Variants in ATG16L2 observed in about 807,000 individuals in gnomAD.
ATG16L2 encodes protein Atg16l2.
In ATG16L2, 77 loss-of-function variants were observed where a neutral mutation model predicts 84.7. The observed-to-expected ratio is 0.91, with a 90% CI of 0.76 to 1.10. The LOEUF (loss-of-function observed/expected upper bound fraction) is 1.10, where lower values mean the gene tolerates loss of function less well. Among genes scored for constraint, ATG16L2 ranks in the 50% least tolerant of loss-of-function variants. The probability of loss-of-function intolerance (pLI) is 0.00; values close to 1 mark genes in which losing one functional copy is unlikely to be tolerated. For synonymous variants in ATG16L2, 361 were observed against 342.8 expected, an observed-to-expected ratio of 1.05 and a Z score of -0.59; for missense variants, 782 against 817.6, an observed-to-expected ratio of 0.96 and a Z score of 0.53.
Position 72,816,823 on chromosome 11 carries a change from C to A in ATG16L2, c.214C>A (p.Pro72Thr). The A allele has an allele frequency of 1.9e-6, 3 of 1,614,050 alleles. No individual in the cohort carries two copies. The South Asian group carries it at 3.3e-5, about 18-fold the overall frequency. The change falls in exon 2 of 18, where the codon CCC becomes ACC. Residue 72 changes from proline to threonine, a missense_variant. Physicochemically the swap from Pro to Thr is conservative, Grantham distance 38. Transcript: ENST00000321297. ...TGTCACTCCCACCACCCACCAGGGCCCCTGGTAAGTGTATGTGGGTCCGTG... is the reference window on the plus strand; with the variant it reads ...TGTCACTCCCACCACCCACCAGGGCACCTGGTAAGTGTATGTGGGTCCGTG... Reference protein sequence around the residue: ...NSVTPTTHQGPWEESELDSDQ... With the variant: ...NSVTPTTHQGTWEESELDSDQ...
chr11:72,829,051 C>T, intron 17 of ATG16L2, 67 bp downstream of exon 17: 2 of 1,509,816 alleles, frequency 1.3e-6, no homozygotes, highest in Non-Finnish European at 1.8e-6. Context: ...CAGGTTCTGA[C>T]ATACTGGGAC....
In ATG16L2 at chr11:72,822,414, G is replaced by A. The variant is rs987881713; in HGVS notation, c.645-64G>A. On this transcript the variant is annotated intron_variant, in intron 5 of 17. Coordinates refer to ENST00000321297, the MANE Select transcript of ATG16L2 (RefSeq NM_033388.2). This position sits in a 1 kb window ranked among gnomAD's most constrained non-coding sequence, Gnocchi z 4.2. ...AGCCGCCCCCTGGAGGAAGGGACCG[G>A]GTCTAGCCCCGCCTGCGTGCGAGGC... 1.2e-6 allele frequency: 2 copies of A among 1,608,420 alleles called. No individual in the cohort carries two copies. The highest frequency in any genetic ancestry group is 1.3e-5 in the African/African-American group (1 of 74,784).
chr11:72,826,319 C>A, intron 11 of ATG16L2, 76 bp downstream of exon 11: 1 of 1,518,116 alleles, frequency 6.6e-7, no homozygotes, highest in Non-Finnish European at 9.0e-7. Flanking sequence ...GGCTGTGGGA[C>A]CTGAGGGCGC....
At chr11:72,826,048 T>G in intron 10 of ATG16L2, 125 bp from the exon 11 acceptor site, 3 of 766,584 alleles carry the variant, frequency 3.9e-6, no homozygotes, top group Non-Finnish European at 6.3e-6. Context: ...CCAGCGATTC[T>G]GTCTTCTAAC....
downstream of ATG16L2, among the ~76,000 whole-genome samples, chr11:72,831,674 C>A (rs900228850): frequency 6.6e-6 from 1 of 152,196 alleles, no homozygotes. Context: ...AGGCCATTCC[C>A]GTTTCCAGGG....
intron 5 of ATG16L2, chr11:72,842,467 C>G (rs1860990153): frequency 1.3e-6 from 1 of 796,144 alleles, no homozygotes; most frequent in Non-Finnish European, 2.0e-6. Context: ...TGACAAGTCT[C>G]TGGTTTCCCA....
exon 6 of ATG16L2, chr11:72,843,270 G>A: frequency 1.2e-6 from 2 of 1,614,016 alleles, no homozygotes; most frequent in African/African-American, 1.3e-5. Context: ...GCTGTTCGAG[G>A]TGGGAAACTG....
At chr11:72,840,310 G>A (rs2135147610) in intron 5 of ATG16L2, among the ~76,000 whole-genome samples, 1 of 152,254 alleles carries the variant, frequency 6.6e-6, no homozygotes, top group Middle Eastern at 3.4e-3. Flanking sequence ...GTAAAGGAAT[G>A]GTATCAAAAG....
chr11:72,821,334 T>C, intron 3 of ATG16L2: 2 of 1,119,196 alleles, frequency 1.8e-6, no homozygotes, highest in Non-Finnish European at 2.2e-6. Context: ...TGGTTATGCA[T>C]GGTGCTGGGA....
chr11:72,827,347 A>T, intron 14 of ATG16L2, 54 bp downstream of exon 14: 1 of 1,438,252 alleles, frequency 7.0e-7, no homozygotes, highest in Non-Finnish European at 9.8e-7. Context: ...CAGGGCTCCC[A>T]AGTTCTTGTT....
chr11:72,814,890 C>T (rs1859615280), intron 1 of ATG16L2, among the ~76,000 whole-genome samples: 2 of 152,168 alleles, frequency 1.3e-5, no homozygotes, highest in African/African-American at 2.4e-5. Context: ...CCCGGGCAGT[C>T]CCCGGGGTAG....
In ATG16L2 at chr11:72,822,897, G is replaced by T; in HGVS notation, c.760G>T (p.Ala254Ser). The change falls in exon 7 of 18, where the codon GCT (alanine) becomes TCT (serine). Residue 254 changes from alanine (A) to serine (S), a missense_variant. Transcript: ENST00000321297. This position sits in a 1 kb window ranked among gnomAD's most constrained non-coding sequence, Gnocchi z 4.2. ...DGMRERRETL[A>S]LAPEPEPLEK... ...GATGAGGGAGAGAAGGGAGACTCTGGCTCTGGCCCCTGAGCCAGAGCCCCT... is the reference window on the plus strand; with the variant it reads ...GATGAGGGAGAGAAGGGAGACTCTGTCTCTGGCCCCTGAGCCAGAGCCCCT... 2 of 1,579,062 alleles carry T rather than the reference G, an allele frequency of 1.3e-6. No individual in the cohort carries two copies. The highest frequency in any genetic ancestry group is 1.7e-6 in the Non-Finnish European group (2 of 1,162,050).
rs151146589 is a variant in ATG16L2, at chr11:72,825,557, G to C, written c.1102+150G>C. 52 of 664,676 alleles carry C rather than the reference G, an allele frequency of 7.8e-5. No homozygotes were observed. In the East Asian group the frequency reaches 1.4e-3, roughly 18 times the overall value. The allele number at this position is 664,676 out of a possible 1,614,324, so 41.2% of individuals were successfully genotyped here. Reference sequence around the variant, plus strand: ...GTGACTAGACAATGCCTTGGAAAGAGTGAGACTCTGGGCTCACTGTTCTGA... The same window carrying C: ...GTGACTAGACAATGCCTTGGAAAGACTGAGACTCTGGGCTCACTGTTCTGA... On this transcript the variant is annotated intron_variant, in intron 10 of 17. Coordinates refer to ENST00000321297, the MANE Select transcript of ATG16L2 (RefSeq NM_033388.2).
intron 11 of ATG16L2, 43 bp downstream of exon 11, chr11:72,826,286 G>C (rs1860347016): frequency 6.2e-6 from 10 of 1,600,036 alleles, no homozygotes; most frequent in Non-Finnish European, 8.5e-6. Flanking sequence ...TGCCCTCTCT[G>C]ATCTCCACAC....
intron 8 of ATG16L2, 118 bp downstream of exon 8, chr11:72,824,240 G>A (rs1157128457): frequency 7.8e-7 from 1 of 1,282,984 alleles, no homozygotes; most frequent in Non-Finnish European, 1.1e-6. Flanking sequence ...GTCTGCCTGT[G>A]AGTCTGTTGG....
chr11:72,824,111 G>A lies in ATG16L2; in HGVS notation c.876G>A (p.Lys292=). 2.2e-5 allele frequency: 35 copies of A among 1,614,234 alleles called. No individual in the cohort carries two copies. Among genetic ancestry groups the A allele is most frequent in the Non-Finnish European group, 2.8e-5 (33 of 1,180,030 alleles). ...LTLSHCVDVV[K]GLLDFKKRRG... Reference sequence around the variant, plus strand: ...TGTCCCACTGTGTGGATGTGGTGAAGGGGCTTCTGGAGTAAGTGTGTGTGT... The same window carrying A: ...TGTCCCACTGTGTGGATGTGGTGAAAGGGCTTCTGGAGTAAGTGTGTGTGT... Residue 292 remains lysine (K), a synonymous_variant, in exon 8 of 18, where the codon AAG becomes AAA. Transcript: ENST00000321297.
downstream of ATG16L2, among the ~76,000 whole-genome samples, chr11:72,832,241 G>T (rs1860621363): frequency 6.6e-6 from 1 of 152,208 alleles, no homozygotes; most frequent in Non-Finnish European, 1.5e-5. Flanking sequence ...CTGGGACAGT[G>T]AGCCCTTCTC....
At chr11:72,838,626 T>C (rs1053568448) in intron 5 of ATG16L2, 7 of 602,344 alleles carry the variant, frequency 1.2e-5, no homozygotes, top group Non-Finnish European at 2.1e-5. Flanking sequence ...GCACGAAATA[T>C]TCAAAACGTG....
At position 72,822,254 on chromosome 11, in the gene ATG16L2, C is replaced by G; in HGVS notation, c.603C>G (p.Arg201=). The change falls in exon 5 of 18, where the codon CGC becomes CGG. Residue 201 remains arginine (R), a synonymous_variant. Transcript: ENST00000321297. This position sits in a 1 kb window ranked among gnomAD's most constrained non-coding sequence, Gnocchi z 4.2. ...LLERLVQRKA[R]AAAERNLRNE... ...AGAGGCTCGTGCAGCGCAAGGCGCG[C>G]GCCGCGGCCGAGCGCAACCTGCGCA... The G allele has an allele frequency of 6.7e-7, 1 of 1,498,926 alleles. No homozygotes were observed. Among genetic ancestry groups the G allele is most frequent in the Non-Finnish European group, 8.8e-7 (1 of 1,134,256 alleles). The allele number at this position is 1,498,926 out of a possible 1,614,324, so 92.9% of individuals were successfully genotyped here. A position where few individuals can be genotyped will look rare whatever the true frequency, so the allele number is the denominator to read the frequency against.
Sources: gnomAD v4.1 joint callset for allele counts (sites outside exome capture counted in the v4.1 genomes callset) on GRCh38, gnomAD v4.1.1 for gene constraint, Gnocchi (gnomAD v3.1) non-coding constraint, MANE v1.5 for transcripts, NCBI Gene and HGNC (gene_info 2026-07-23, HGNC 2026-07-21) for gene names.